LEMD1: variants seen among roughly 807,000 people sequenced by gnomAD.
LEMD1 encodes the protein LEM domain containing 1, also known as LEM domain-containing protein 1.
A neutral mutation model predicts 17.4 loss-of-function variants in LEMD1; 18 were observed. The ratio of observed to expected loss-of-function variants is 1.04; its 90% CI spans 0.72 to 1.54. LEMD1 has a LOEUF of 1.54. LEMD1 is among the 40% of genes most tolerant of loss of function. The pLI is 0.00. For synonymous variants in LEMD1, 88 were observed against 77.8 expected (o/e 1.13, Z -0.69); for missense variants, 195 against 210.4 (o/e 0.93, Z 0.45).
upstream of LEMD1, among the ~76,000 whole-genome samples, chr1:205,422,288 C>A (rs564061752): frequency 6.6e-6 from 1 of 152,284 alleles, no homozygotes; most frequent in Admixed American, 6.5e-5. Context: ...AAGTAAGGAG[C>A]TGCTACCAAA....
intron 2 of LEMD1, among the ~76,000 whole-genome samples, chr1:205,419,897 G>A (rs918195399): frequency 6.6e-6 from 1 of 152,176 alleles, no homozygotes; most frequent in African/African-American, 2.4e-5. Flanking sequence ...CACAGACAAG[G>A]CTGTGCATCC....
At chr1:205,415,149 C>G (rs1322616072) in intron 4 of LEMD1, among the ~76,000 whole-genome samples, 1 of 152,098 alleles carries the variant, frequency 6.6e-6, no homozygotes, top group African/African-American at 2.4e-5. Flanking sequence ...TCCTGGACAC[C>G]TGAGCCTGAG....
intron 1 of LEMD1, among the ~76,000 whole-genome samples, chr1:205,443,917 T>G (rs1666339272): frequency 6.6e-6 from 1 of 152,116 alleles, no homozygotes; most frequent in Non-Finnish European, 1.5e-5. Context: ...CAGGCTGTGG[T>G]CTCTGCTCCT....
At chr1:205,429,529 T>G (rs1023518469) in intron 1 of LEMD1, among the ~76,000 whole-genome samples, 1 of 152,156 alleles carries the variant, frequency 6.6e-6, no homozygotes, top group African/African-American at 2.4e-5. Context: ...GAACATCCAT[T>G]ATGCCCTCAC....
chr1:205,427,363 G>T (rs1288030869), intron 1 of LEMD1, among the ~76,000 whole-genome samples: 1 of 151,770 alleles, frequency 6.6e-6, no homozygotes, highest in Non-Finnish European at 1.5e-5. Flanking sequence ...CTCATGACTG[G>T]GGCATCTCCC....
Position 205,448,495 on chromosome 1 carries a change from C to T in LEMD1, c.-39+1373G>A. 1 of 462,298 alleles carries T rather than the reference C, an allele frequency of 2.2e-6. No individual in the cohort carries two copies. The highest frequency in any genetic ancestry group is 1.5e-5 in the South Asian group (1 of 64,570). The allele number at this position is 462,298 out of a possible 1,614,324, so 28.6% of individuals were successfully genotyped here. Reference sequence around the variant, plus strand: ...CTCAGCACCCCCGACCCCAGACCCACCCACACTGCCTCCCTCCAGGACTGG... The same window carrying T: ...CTCAGCACCCCCGACCCCAGACCCATCCACACTGCCTCCCTCCAGGACTGG... On this transcript the variant is annotated intron_variant, in intron 1 of 3. Transcript: ENST00000367154. The surrounding 1 kb of genome is among the most constrained non-coding windows in gnomAD (Gnocchi z 4.7).
chr1:205,390,613 A>T (rs547247074), intron 4 of LEMD1, among the ~76,000 whole-genome samples: 1 of 152,380 alleles, frequency 6.6e-6, no homozygotes, highest in Non-Finnish European at 1.5e-5. Context: ...AATAATCTGC[A>T]GAAAAAGTAT....
intron 4 of LEMD1, among the ~76,000 whole-genome samples, chr1:205,391,679 C>G (rs1038736071): frequency 6.6e-6 from 1 of 152,144 alleles, no homozygotes; most frequent in Non-Finnish European, 1.5e-5. Flanking sequence ...AGGAGGCATC[C>G]CCCGCCTCCA....
At chr1:205,428,489 C>T (rs1216593890) in intron 1 of LEMD1, among the ~76,000 whole-genome samples, 2 of 152,262 alleles carry the variant, frequency 1.3e-5, no homozygotes, top group Non-Finnish European at 2.9e-5. Flanking sequence ...ATAAAGCAAA[C>T]GAGGTTCCTG....
intron 4 of LEMD1, among the ~76,000 whole-genome samples, chr1:205,389,542 C>A (rs1048834442): frequency 7.2e-5 from 11 of 152,116 alleles, no homozygotes; most frequent in Non-Finnish European, 1.5e-4. Context: ...AGTTTCCTAC[C>A]CTTTCTTTCT....
intron 1 of LEMD1, among the ~76,000 whole-genome samples, chr1:205,439,452 G>T (rs528247751): frequency 8.5e-4 from 129 of 152,390 alleles, no homozygotes; most frequent in African/African-American, 2.8e-3. Flanking sequence ...AGGCCCCTGA[G>T]TGTGGGCATG....
At chr1:205,410,103 G>A (rs1289035128) in intron 4 of LEMD1, among the ~76,000 whole-genome samples, 2 of 150,800 alleles carry the variant, frequency 1.3e-5, no homozygotes, top group Admixed American at 1.3e-4. Context: ...TATTTTTCTT[G>A]TAGAGATGGG....
Position 205,381,733 on chromosome 1 carries a change from C to T in LEMD1, c.471G>A (p.Lys157=). Residue 157 remains lysine, a synonymous_variant, in exon 6 of 6, where the codon AAG becomes AAA. Coordinates refer to ENST00000367153, the MANE Select transcript of LEMD1 (RefSeq NM_001199050.2). ...TGATGAAAATACCAAGCACAGCAAGCTTCAAGCCCACTGGGAAACCTTCTT... is the reference window on the plus strand; with the variant it reads ...TGATGAAAATACCAAGCACAGCAAGTTTCAAGCCCACTGGGAAACCTTCTT... The part of the protein sequence containing the change: ...WREEGFPVGL[K]LAVLGIFIIV... 1.2e-6 allele frequency: 2 copies of T among 1,614,226 alleles called. No individual in the cohort carries two copies. The highest frequency in any genetic ancestry group is 1.7e-6 in the Non-Finnish European group (2 of 1,180,034).
At chr1:205,420,791 T>C (rs1196001577) in intron 1 of LEMD1, among the ~76,000 whole-genome samples, 1 of 152,206 alleles carries the variant, frequency 6.6e-6, no homozygotes, top group African/African-American at 2.4e-5. Flanking sequence ...TTCCCCAGTG[T>C]CTTTAGGGCT....
chr1:205,385,068 A>G (rs866128430), intron 4 of LEMD1, among the ~76,000 whole-genome samples: 1 of 152,072 alleles, frequency 6.6e-6, no homozygotes, highest in Non-Finnish European at 1.5e-5. Flanking sequence ...TGCTTGGACT[A>G]CTACACTAGA....
intron 1 of LEMD1, among the ~76,000 whole-genome samples, chr1:205,429,904 A>G (rs1035859808): frequency 2.6e-5 from 4 of 152,146 alleles, no homozygotes; most frequent in African/African-American, 9.7e-5. Context: ...GGCAGCCGGC[A>G]GCCAGGCCGC....
intron 1 of LEMD1, among the ~76,000 whole-genome samples, chr1:205,434,348 A>AAAAT (rs1553399155): frequency 1.0e-4 from 15 of 143,154 alleles, no homozygotes; most frequent in Non-Finnish European, 2.1e-4. Flanking sequence ...AGTAAAAAAA[A>AAAAT]ATATATATAT....
intron 4 of LEMD1, among the ~76,000 whole-genome samples, chr1:205,413,200 T>C (rs1356506784): frequency 2.0e-5 from 3 of 152,256 alleles, no homozygotes; most frequent in Non-Finnish European, 4.4e-5. Flanking sequence ...TTGGTAGATT[T>C]GGTGAGGTGA....
intron 4 of LEMD1, among the ~76,000 whole-genome samples, chr1:205,393,108 A>G (rs4265484): frequency 0.2 from 30,834 of 152,018 alleles, 3,292 homozygotes; most frequent in Middle Eastern, 0.28. Flanking sequence ...TGCACATCAT[A>G]TATCTGGGGT....
Sources: allele counts gnomAD v4.1 joint callset (sites outside exome capture counted in the v4.1 genomes callset), GRCh38; gene constraint gnomAD v4.1.1; non-coding constraint Gnocchi (gnomAD v3.1); transcripts MANE v1.5; gene names NCBI Gene and HGNC (gene_info 2026-07-23, HGNC 2026-07-21).